Variants in CCDC15 observed in about 807,000 individuals in gnomAD.
CCDC15 encodes the protein coiled-coil domain containing 15.
A neutral mutation model predicts 114.5 loss-of-function variants in CCDC15; 105 were observed. The ratio of observed to expected loss-of-function variants is 0.92; its 90% CI spans 0.78 to 1.08. The LOEUF is 1.08. CCDC15 is among the 50% of genes least tolerant of loss of function. The pLI is 0.00. For synonymous variants in CCDC15, 334 were observed against 377.8 expected (o/e 0.88, Z 1.34); for missense variants, 1,105 against 1,093.6 (o/e 1.01, Z -0.15).
chr11:124,962,308 T>C (rs1947678007), intron 4 of CCDC15, among the ~76,000 whole-genome samples: 1 of 152,238 alleles, frequency 6.6e-6, no homozygotes, highest in Admixed American at 6.5e-5. Context: ...TTTTCTCGTG[T>C]TGGTGTTATA....
intron 5 of CCDC15, among the ~76,000 whole-genome samples, chr11:124,976,634 A>C (rs1159458937): frequency 1.3e-5 from 2 of 152,148 alleles, no homozygotes; most frequent in Admixed American, 6.6e-5. Context: ...AGAAAAAAAA[A>C]CACAGTTATC....
At chr11:125,002,797 A>G (rs1948499712) in intron 11 of CCDC15, among the ~76,000 whole-genome samples, 1 of 152,162 alleles carries the variant, frequency 6.6e-6, no homozygotes, top group East Asian at 1.9e-4. Flanking sequence ...CTTGATTATT[A>G]TATCTTTGTA....
intron 11 of CCDC15, among the ~76,000 whole-genome samples, chr11:124,996,902 A>G (rs1948381979): frequency 6.6e-6 from 1 of 152,190 alleles, no homozygotes; most frequent in Non-Finnish European, 1.5e-5. Context: ...CACTGAATGT[A>G]TATACTACAT....
chr11:125,010,621 A>T (rs1255119588), intron 13 of CCDC15, among the ~76,000 whole-genome samples: 1 of 152,110 alleles, frequency 6.6e-6, no homozygotes, highest in Non-Finnish European at 1.5e-5. Flanking sequence ...TTGGCCTCCT[A>T]ATTTGGGGGA....
At position 124,987,150 on chromosome 11, in the gene CCDC15, A is replaced by T; in HGVS notation, c.924A>T (p.Leu308Phe). ...AGAAAGTAAAATTCAAAAATCCATT[A>T]TTTGTTCTGATGGAAGAGGAAGAAC... Reference protein sequence around the residue: ...RVQKVKFKNPLFVLMEEEEQK... With the variant: ...RVQKVKFKNPFFVLMEEEEQK... Residue 308 changes from leucine to phenylalanine, a missense_variant, in exon 8 of 16, where the codon TTA (leucine) becomes TTT (phenylalanine). Physicochemically the swap from Leu to Phe is conservative, Grantham distance 22. Coordinates refer to ENST00000344762, the MANE Select transcript of CCDC15 (RefSeq NM_025004.3). 5 of 1,512,800 alleles carry T rather than the reference A, an allele frequency of 3.3e-6. No individual in the cohort carries two copies. Among genetic ancestry groups the T allele is most frequent in the Non-Finnish European group, 4.4e-6 (5 of 1,133,898 alleles). 93.7% of individuals were successfully genotyped at this position (1,512,800 alleles called of 1,614,324 possible). A position where few individuals can be genotyped will look rare whatever the true frequency, so the allele number is the denominator to read the frequency against.
At position 124,974,025 on chromosome 11, in the gene CCDC15, A is replaced by AGT. The variant is rs1947929782; in HGVS notation, c.517-1069_517-1068dup. Among the ~76,000 whole-genome samples the AGT allele has an allele frequency of 2.0e-5, 3 of 151,880 alleles. No individual in the cohort carries two copies. The South Asian group carries it at 6.2e-4, about 32-fold the overall frequency. On this transcript the variant is annotated intron_variant, in intron 4 of 15. Coordinates refer to ENST00000344762, the MANE Select transcript of CCDC15 (RefSeq NM_025004.3). ...ATGGAGTCTCTGTTGCCCAGGCTGG[A>AGT]GTGCAGTGGCGCTATCTCGTCTCAC...
chr11:124,959,803 T>C lies in CCDC15; in HGVS notation c.328-12T>C. The C allele has an allele frequency of 6.3e-7, 1 of 1,577,024 alleles. No individual in the cohort carries two copies. On this transcript the variant is annotated splice_polypyrimidine_tract_variant and intron_variant, in intron 3 of 15. Coordinates refer to ENST00000344762, the MANE Select transcript of CCDC15 (RefSeq NM_025004.3). ...GTAGAATGTTACTATCCCCCTTTCT[T>C]CTTTCGTGTAGGCACAAAAAGAAGG...
chr11:124,984,454 A>T (rs1232050111), intron 6 of CCDC15, among the ~76,000 whole-genome samples: 1 of 152,144 alleles, frequency 6.6e-6, no homozygotes, highest in Non-Finnish European at 1.5e-5. Flanking sequence ...CACGGGCAAG[A>T]TCGCCCTGCA....
At chr11:125,023,843 A>G (rs1297584166) in intron 13 of CCDC15, among the ~76,000 whole-genome samples, 1 of 152,044 alleles carries the variant, frequency 6.6e-6, no homozygotes, top group East Asian at 1.9e-4. Flanking sequence ...ATAGACTTTG[A>G]AACTCTTCTG....
chr11:125,027,425 G>A (rs1948710977), intron 13 of CCDC15, among the ~76,000 whole-genome samples: 1 of 151,864 alleles, frequency 6.6e-6, no homozygotes, highest in South Asian at 2.1e-4. Flanking sequence ...TTAAATTATG[G>A]CCATTCTTGC....
chr11:124,993,328 CT>C (rs950771552), intron 11 of CCDC15, 85 bp downstream of exon 11: 1,510 of 849,342 alleles, frequency 1.8e-3, no homozygotes, highest in South Asian at 3.2e-3. Flanking sequence ...GTGTAAATTG[CT>C]TTTTTTTTGG....
Position 124,987,298 on chromosome 11 carries a change from C to G in CCDC15, c.1072C>G (p.Pro358Ala). Reference sequence around the variant, plus strand: ...TTTGACAGGAATCCAGAGTGTTAAGCCAGATACCCAGGCTGTTGAAATGAA... The same window carrying G: ...TTTGACAGGAATCCAGAGTGTTAAGGCAGATACCCAGGCTGTTGAAATGAA... ...GDLTGIQSVK[P>A]DTQAVEMKVQ... Residue 358 changes from proline to alanine, a missense_variant, in exon 8 of 16, where the codon CCA becomes GCA. Pro to Ala is a conservative substitution (Grantham distance 27, BLOSUM62 -1). Transcript: ENST00000344762. 1 of 1,611,004 alleles carries G rather than the reference C, an allele frequency of 6.2e-7. No individual in the cohort carries two copies. The highest frequency in any genetic ancestry group is 8.5e-7 in the Non-Finnish European group (1 of 1,178,768).
At chr11:124,999,854 CTTTTTTTTTTTT>C (rs768089942) in intron 11 of CCDC15, among the ~76,000 whole-genome samples, 6 of 70,122 alleles carry the variant, frequency 8.6e-5, no homozygotes, top group East Asian at 3.8e-4. Flanking sequence ...GTATCCTAGA[CTTTTTTTTTTTT>C]TTTTTTTTTT....
At chr11:125,009,259 A>G (rs1948573459) in intron 13 of CCDC15, among the ~76,000 whole-genome samples, 1 of 152,086 alleles carries the variant, frequency 6.6e-6, no homozygotes, top group African/African-American at 2.4e-5. Context: ...ATGAAATCTA[A>G]TATGAGGATT....
rs754903056 is a variant in CCDC15 at position 124,987,770 on chromosome 11, A to G, written c.1544A>G (p.His515Arg). 11 of 1,613,884 alleles carry G rather than the reference A, an allele frequency of 6.8e-6. No homozygotes were observed. The highest frequency in any genetic ancestry group is 1.3e-5 in the African/African-American group (1 of 74,934). The change falls in exon 8 of 16, where the codon CAT becomes CGT. Residue 515 changes from histidine to arginine, a missense_variant. Physicochemically the swap from His to Arg is conservative, Grantham distance 29. Transcript: ENST00000344762. The part of the protein sequence containing the change: ...KDQNFLSRDQ[H>R]VLPKDQNILP... The stretch of plus-strand genomic sequence containing the variant: ...CAGAATTTTTTGTCTAGAGACCAGC[A>G]TGTTCTCCCCAAAGACCAGAATATT...
chr11:125,009,392 C>T (rs1948574591), intron 13 of CCDC15, among the ~76,000 whole-genome samples: 1 of 151,194 alleles, frequency 6.6e-6, no homozygotes, highest in Non-Finnish European at 1.5e-5. Context: ...TATTTTGAAA[C>T]ACTCTGTATA....
At position 125,014,206 on chromosome 11, in the gene CCDC15, C is replaced by G. The variant is rs185376307; in HGVS notation, c.2411+8994C>G. ...TAACTAGCAGTAGAATAAACCTTACCTAAATTACAAAGCAGCCTTGATTCT... is the reference window on the plus strand; with the variant it reads ...TAACTAGCAGTAGAATAAACCTTACGTAAATTACAAAGCAGCCTTGATTCT... On this transcript the variant is annotated intron_variant, in intron 13 of 15. Transcript: ENST00000344762. Among the ~76,000 whole-genome samples, 8 of 152,234 alleles carry G rather than the reference C, an allele frequency of 5.3e-5. No individual in the cohort carries two copies. In the South Asian group the frequency reaches 6.2e-4, roughly 12 times the overall value.
chr11:125,015,019 C>A (rs11219867), intron 13 of CCDC15, among the ~76,000 whole-genome samples: 40,509 of 151,632 alleles, frequency 0.27, 6,387 homozygotes, highest in African/African-American at 0.44. Context: ...TCATGGATCA[C>A]AGAAAAAATT....
intron 6 of CCDC15, 85 bp downstream of exon 6, chr11:124,977,685 G>A: frequency 7.5e-7 from 1 of 1,331,666 alleles, no homozygotes; most frequent in Non-Finnish European, 1.0e-6. Context: ...AAAGGGTTAA[G>A]ATATCCAGTA....
Sources: gnomAD v4.1 joint callset for allele counts (sites outside exome capture counted in the v4.1 genomes callset) on GRCh38, gnomAD v4.1.1 for gene constraint, MANE v1.5 for transcripts, NCBI Gene and HGNC (gene_info 2026-07-23, HGNC 2026-07-21) for gene names.